PKHD1: variants seen among roughly 807,000 people sequenced by gnomAD.
PKHD1 encodes the protein fibrocystin.
Under a neutral mutation model 412.0 loss-of-function variants are expected in PKHD1, and 291 were observed. The observed-to-expected ratio is 0.71, with a 90% confidence interval of 0.64 to 0.78. PKHD1 has a LOEUF of 0.78. PKHD1 is among the 30% of genes least tolerant of loss of function. The pLI is 0.00. For missense variants in PKHD1, 4,825 were observed against 4,950.7 expected (o/e 0.97, Z 0.76); for synonymous variants, 1,777 against 1,821.5 (o/e 0.98, Z 0.62).
chr6:51,840,795 C>T (rs953680340), intron 50 of PKHD1, among the ~76,000 whole-genome samples: 1 of 152,160 alleles, frequency 6.6e-6, no homozygotes, highest in Admixed American at 6.5e-5. Context: ...CTTCACAATT[C>T]GTACTTTTTA....
intron 60 of PKHD1, among the ~76,000 whole-genome samples, chr6:51,734,521 T>A (rs780856829): frequency 1.3e-5 from 2 of 152,088 alleles, no homozygotes; most frequent in Admixed American, 6.5e-5. Context: ...TACCTTGAAG[T>A]CACTCACAGT....
At chr6:51,669,753 T>C (rs1188644822) in intron 60 of PKHD1, among the ~76,000 whole-genome samples, 1 of 135,252 alleles carries the variant, frequency 7.4e-6, no homozygotes, top group African/African-American at 3.1e-5. Context: ...TGTGTCTTTG[T>C]TCTCGTTGGT....
In PKHD1 at chr6:51,755,092, G is replaced by A. The variant is rs9395712; in HGVS notation, c.8643-154C>T. Among the ~76,000 whole-genome samples, 48,638 of 151,930 alleles carry A rather than the reference G, an allele frequency of 0.32. 9,667 individuals carry two copies. Among genetic ancestry groups the A allele is most frequent in the East Asian group, 0.7 (3,582 of 5,148 alleles). The stretch of plus-strand genomic sequence containing the variant: ...GACATGGCAGTGGAAAAAGGCTTTC[G>A]CAAACAGTTTAATTTAGCTAATGGA... On this transcript the variant is annotated intron_variant, in intron 55 of 66. Coordinates refer to ENST00000371117, the MANE Select transcript of PKHD1 (RefSeq NM_138694.4).
chr6:51,635,412 G>T (rs1581765432), intron 64 of PKHD1, among the ~76,000 whole-genome samples: 1 of 152,108 alleles, frequency 6.6e-6, no homozygotes, highest in South Asian at 2.1e-4. Flanking sequence ...TTTTAAAACT[G>T]CAATCTTAAA....
At chr6:51,872,752 T>C (rs551831031) in intron 46 of PKHD1, among the ~76,000 whole-genome samples, 1 of 152,242 alleles carries the variant, frequency 6.6e-6, no homozygotes, top group South Asian at 2.1e-4. Flanking sequence ...AGCTACAAGA[T>C]GATGGAATAT....
At chr6:51,838,928 T>C (rs989223283) in intron 50 of PKHD1, among the ~76,000 whole-genome samples, 1 of 152,220 alleles carries the variant, frequency 6.6e-6, no homozygotes, top group East Asian at 1.9e-4. Context: ...CTTAGCACAG[T>C]GCCTGGCACA....
At chr6:51,920,674 T>C (rs1345614719) in intron 37 of PKHD1, among the ~76,000 whole-genome samples, 1 of 152,238 alleles carries the variant, frequency 6.6e-6, no homozygotes, top group Non-Finnish European at 1.5e-5. Flanking sequence ...TTTCTATTGA[T>C]TGGAATAGTT....
chr6:52,018,426 G>A (rs1248685530), intron 33 of PKHD1, among the ~76,000 whole-genome samples: 2 of 152,136 alleles, frequency 1.3e-5, no homozygotes, highest in African/African-American at 4.8e-5. Flanking sequence ...GAAATTATCA[G>A]ACTTTTAATT....
rs1275974078 is a variant in PKHD1 at position 51,855,978 on chromosome 6, T to C, written c.7826A>G (p.Asn2609Ser). ...GAGCAGAGCCATCCAGCCACGAGGG[T>C]TAGACAATGTATCACGTACATAATT... The part of the protein sequence containing the change: ...TVNYVRDTLS[N>S]PRGWMALLLD... The change falls in exon 49 of 67, where the codon AAC becomes AGC. Residue 2609 changes from asparagine (N) to serine (S), a missense_variant. Physicochemically the swap from Asn to Ser is conservative, Grantham distance 46. Transcript: ENST00000371117. 5.6e-6 allele frequency: 9 copies of C among 1,611,302 alleles called. No individual in the cohort carries two copies.
chr6:51,746,651 C>T, intron 59 of PKHD1, 70 bp downstream of exon 59: 1 of 952,210 alleles, frequency 1.1e-6, no homozygotes, highest in South Asian at 1.3e-5. Flanking sequence ...TTTCAAAAAA[C>T]ATGTTTAGGG....
At chr6:51,921,225 T>A (rs1784647938) in intron 37 of PKHD1, among the ~76,000 whole-genome samples, 1 of 152,202 alleles carries the variant, frequency 6.6e-6, no homozygotes. Context: ...AGAGTATCGA[T>A]TTTAGGTCTT....
At chr6:51,827,181 G>T (rs1196410139) in intron 52 of PKHD1, among the ~76,000 whole-genome samples, 1 of 152,000 alleles carries the variant, frequency 6.6e-6, no homozygotes, top group Non-Finnish European at 1.5e-5. Context: ...TAGCTCCCAA[G>T]GATGTTGTGA....
intron 60 of PKHD1, among the ~76,000 whole-genome samples, chr6:51,676,890 A>C (rs1045328084): frequency 1.3e-5 from 2 of 152,158 alleles, no homozygotes; most frequent in African/African-American, 4.8e-5. Flanking sequence ...TAAACTTCAA[A>C]AAAATGGGTG....
chr6:51,842,196 G>A (rs1448758312), intron 50 of PKHD1, among the ~76,000 whole-genome samples: 12 of 152,204 alleles, frequency 7.9e-5, no homozygotes, highest in African/African-American at 2.9e-4. Context: ...CAGCCTTACA[G>A]GCAGACCTTC....
chr6:51,632,996 C>T (rs542110520), intron 64 of PKHD1, among the ~76,000 whole-genome samples: 2 of 151,978 alleles, frequency 1.3e-5, no homozygotes, highest in African/African-American at 2.4e-5. Flanking sequence ...ATTTTCAGAC[C>T]AACCTTCCAT....
intron 50 of PKHD1, among the ~76,000 whole-genome samples, chr6:51,836,807 T>C (rs1389061817): frequency 1.3e-5 from 2 of 152,216 alleles, no homozygotes; most frequent in South Asian, 2.1e-4. Context: ...TTTCTCTTCA[T>C]CATTTTGTAG....
chr6:51,775,494 T>C (rs1321792397), intron 54 of PKHD1, among the ~76,000 whole-genome samples: 1 of 151,982 alleles, frequency 6.6e-6, no homozygotes, highest in Non-Finnish European at 1.5e-5. Flanking sequence ...AATCGAGTAG[T>C]ATTTATAGTT....
chr6:51,893,677 A>C (rs1779444375), intron 43 of PKHD1, among the ~76,000 whole-genome samples: 1 of 152,246 alleles, frequency 6.6e-6, no homozygotes, highest in African/African-American at 2.4e-5. Context: ...ATGGACATTC[A>C]AGCAAGAGAA....
rs757914423 is a variant in PKHD1, at chr6:52,076,287, C to G, written c.437G>C (p.Ser146Thr). ...AGAAGATTTCTTACCTGGAACACCA[C>G]TTGGTGGATAAACTTGGTGAACGAT... ...TPIVHQVYPP[S>T]GVPGKLIHVY... The change falls in exon 6 of 67, where the codon AGT becomes ACT. Residue 146 changes from serine to threonine, a missense_variant. Coordinates refer to ENST00000371117, the MANE Select transcript of PKHD1 (RefSeq NM_138694.4). The G allele has an allele frequency of 6.2e-7, 1 of 1,610,310 alleles. No homozygotes were observed. The highest frequency in any genetic ancestry group is 1.7e-5 in the Admixed American group (1 of 59,982).
Sources: allele counts gnomAD v4.1 joint callset (sites outside exome capture counted in the v4.1 genomes callset), GRCh38; gene constraint gnomAD v4.1.1; transcripts MANE v1.5; gene names NCBI Gene and HGNC (gene_info 2026-07-23, HGNC 2026-07-21).